NYAP2: variants seen among roughly 807,000 people sequenced by gnomAD.
NYAP2 encodes neuronal tyrosine-phosphorylated phosphoinositide-3-kinase adapter 2.
In NYAP2, 23 loss-of-function variants were observed where a neutral mutation model predicts 50.4. The ratio of observed to expected loss-of-function variants is 0.46; its 90% CI spans 0.33 to 0.65. NYAP2 has a LOEUF of 0.65. Ranked by LOEUF, NYAP2 falls within the 30% of genes least tolerant of loss-of-function variation. The pLI, the probability that NYAP2 is intolerant of heterozygous loss-of-function variation, is 0.02. For missense variants in NYAP2, 885 were observed against 861.0 expected (o/e 1.03, Z -0.35); for synonymous variants, 394 against 365.2 (o/e 1.08, Z -0.90).
At chr2:225,579,029 C>T (rs141034802) in intron 4 of NYAP2, among the ~76,000 whole-genome samples, 8 of 152,054 alleles carry the variant, frequency 5.3e-5, no homozygotes, top group Non-Finnish European at 7.4e-5. Context: ...ACGGCATGCA[C>T]GTGCACGCAC....
At chr2:225,465,452 C>T (rs1189525568) in intron 3 of NYAP2, among the ~76,000 whole-genome samples, 2 of 152,098 alleles carry the variant, frequency 1.3e-5, no homozygotes, top group Non-Finnish European at 2.9e-5. Flanking sequence ...CGCATTGGCT[C>T]ATGCCTGTAA....
intron 3 of NYAP2, among the ~76,000 whole-genome samples, chr2:225,508,358 A>G (rs1454699581): frequency 1.3e-5 from 2 of 151,992 alleles, no homozygotes; most frequent in Non-Finnish European, 2.9e-5. Flanking sequence ...AGAATGACCT[A>G]TTTTCACAGG....
chr2:225,470,710 C>T (rs1010181847), intron 3 of NYAP2, among the ~76,000 whole-genome samples: 1 of 152,064 alleles, frequency 6.6e-6, no homozygotes, highest in African/African-American at 2.4e-5. Context: ...AAAACAAAAG[C>T]AAGAACCTAG....
chr2:225,551,319 C>A (rs1471201414), intron 4 of NYAP2, among the ~76,000 whole-genome samples: 1 of 152,124 alleles, frequency 6.6e-6, no homozygotes, highest in Non-Finnish European at 1.5e-5. Flanking sequence ...CAGGTGTGAG[C>A]CTTGGAAATG....
chr2:225,505,217 A>G (rs1394217357), intron 3 of NYAP2, among the ~76,000 whole-genome samples: 2 of 152,212 alleles, frequency 1.3e-5, no homozygotes, highest in Admixed American at 1.3e-4. Context: ...AAGTATCAAT[A>G]AAGAGCCAGA....
At chr2:225,572,705 C>T (rs573326583) in intron 4 of NYAP2, among the ~76,000 whole-genome samples, 14 of 152,246 alleles carry the variant, frequency 9.2e-5, no homozygotes, top group Admixed American at 4.6e-4. Flanking sequence ...GCTTTCTCAT[C>T]GAATCTGAAC....
chr2:225,576,526 C>T (rs1043918687), intron 4 of NYAP2, among the ~76,000 whole-genome samples: 2 of 152,202 alleles, frequency 1.3e-5, no homozygotes, highest in African/African-American at 4.8e-5. Context: ...GAGCACAGTT[C>T]TGCTGAAAGT....
Position 225,582,224 on chromosome 2 carries a change from G to A in NYAP2, c.807G>A (p.Glu269=). 2 of 1,614,014 alleles carry A rather than the reference G, an allele frequency of 1.2e-6. No individual in the cohort carries two copies. The highest frequency in any genetic ancestry group is 1.1e-5 in the South Asian group (1 of 91,090). The change falls in exon 5 of 7, where the codon GAG becomes GAA. Residue 269 remains glutamate, a synonymous_variant. Coordinates refer to ENST00000636099, the Ensembl canonical transcript of NYAP2. This position sits in a 1 kb window ranked among gnomAD's most constrained non-coding sequence, Gnocchi z 7.0. ...ATGACCAGAGCGAGGCCGTCTACGAGGAAATGAAGTACCCTATCTTTGACG... is the reference window on the plus strand; with the variant it reads ...ATGACCAGAGCGAGGCCGTCTACGAAGAAATGAAGTACCCTATCTTTGACG...
chr2:225,520,867 A>T (rs1362696707), intron 4 of NYAP2, among the ~76,000 whole-genome samples: 1 of 152,200 alleles, frequency 6.6e-6, no homozygotes, highest in East Asian at 1.9e-4. Flanking sequence ...CTTGGGCAGT[A>T]TGGCCATTTT....
the NYAP2 span, among the ~76,000 whole-genome samples, chr2:225,676,496 G>A: frequency 6.6e-6 from 1 of 152,000 alleles, no homozygotes; most frequent in African/African-American, 2.4e-5. Flanking sequence ...GGTTTAATGG[G>A]ACTTACAGTT....
At chr2:225,657,711 T>C (rs1306299031), downstream of NYAP2, among the ~76,000 whole-genome samples, 2 of 151,924 alleles carry the variant, frequency 1.3e-5, no homozygotes, top group Non-Finnish European at 2.9e-5. Context: ...ACTATGAGCA[T>C]AGAGATGACT....
chr2:225,484,491 G>A (rs1283859404), intron 3 of NYAP2, among the ~76,000 whole-genome samples: 1 of 152,176 alleles, frequency 6.6e-6, no homozygotes, highest in African/African-American at 2.4e-5. Flanking sequence ...ATTAGGCAAG[G>A]AAGTATTTTC....
chr2:225,441,956 A>G (rs759388975), intron 3 of NYAP2, among the ~76,000 whole-genome samples: 6 of 152,226 alleles, frequency 3.9e-5, no homozygotes, highest in African/African-American at 7.2e-5. Flanking sequence ...TCGTCACTCC[A>G]TAAATGGCTA....
chr2:225,431,665 A>G (rs545762856), intron 3 of NYAP2, among the ~76,000 whole-genome samples: 1 of 152,250 alleles, frequency 6.6e-6, no homozygotes, highest in Non-Finnish European at 1.5e-5. Context: ...CTCTTAAATG[A>G]GCTTGTTTGC....
At chr2:225,534,246 A>G (rs569316745) in intron 4 of NYAP2, among the ~76,000 whole-genome samples, 1 of 152,294 alleles carries the variant, frequency 6.6e-6, no homozygotes, top group South Asian at 2.1e-4. Flanking sequence ...GAGGACTAGC[A>G]TTTCCCTCAT....
intron 3 of NYAP2, among the ~76,000 whole-genome samples, chr2:225,497,727 G>C (rs1690533201): frequency 6.6e-6 from 1 of 152,150 alleles, no homozygotes; most frequent in African/African-American, 2.4e-5. Context: ...TGATTTAGGA[G>C]CAGTGTTAGA....
At chr2:225,598,608 T>C (rs897013774) in intron 5 of NYAP2, among the ~76,000 whole-genome samples, 1 of 152,210 alleles carries the variant, frequency 6.6e-6, no homozygotes, top group Non-Finnish European at 1.5e-5. Flanking sequence ...AATGTTATTT[T>C]AAAACATGTG....
At chr2:225,429,611 T>C (rs1304512148) in intron 3 of NYAP2, among the ~76,000 whole-genome samples, 1 of 152,222 alleles carries the variant, frequency 6.6e-6, no homozygotes, top group Admixed American at 6.5e-5. Flanking sequence ...CTGAGGTTAA[T>C]ATATTTATTT....
chr2:225,564,627 G>C (rs1691931050), intron 4 of NYAP2, among the ~76,000 whole-genome samples: 1 of 151,358 alleles, frequency 6.6e-6, no homozygotes, highest in South Asian at 2.1e-4. Flanking sequence ...AAGAATGAAG[G>C]TACACTGCAT....
Sources: gnomAD v4.1 joint callset for allele counts (sites outside exome capture counted in the v4.1 genomes callset) on GRCh38, gnomAD v4.1.1 for gene constraint, Gnocchi (gnomAD v3.1) non-coding constraint, MANE v1.5 for transcripts, NCBI Gene and HGNC (gene_info 2026-07-23, HGNC 2026-07-21) for gene names.